Variants in AGO3 observed in about 807,000 individuals in gnomAD.
AGO3 encodes argonaute RISC catalytic component 3, also known as protein argonaute-3.
In AGO3, 16 loss-of-function variants were observed where a neutral mutation model predicts 105.5. The observed-to-expected ratio is 0.15, with a 90% CI of 0.10 to 0.23. The LOEUF (loss-of-function observed/expected upper bound fraction) is 0.23. AGO3 is among the 10% of genes least tolerant of loss of function. The probability of loss-of-function intolerance (pLI) is 1.00; values close to 1 mark genes in which losing one functional copy is unlikely to be tolerated. For synonymous variants in AGO3, 340 were observed against 367.3 expected (o/e 0.93, Z 0.85); for missense variants, 534 against 1,088.0 (o/e 0.49, Z 7.16).
intron 17 of AGO3, among the ~76,000 whole-genome samples, chr1:36,049,445 G>T (rs964925823): frequency 6.6e-6 from 1 of 151,862 alleles, no homozygotes; most frequent in African/African-American, 2.4e-5. Flanking sequence ...TTGAACTCAG[G>T]AGGCAGAGGT....
intron 5 of AGO3, among the ~76,000 whole-genome samples, chr1:35,977,391 ATTT>A (rs35048209): frequency 1.1e-4 from 14 of 128,306 alleles, no homozygotes; most frequent in South Asian, 2.5e-4. Context: ...CGTTATTATG[ATTT>A]TTTTTTTTTT....
At position 36,013,766 on chromosome 1, in the gene AGO3, T is replaced by C; in HGVS notation, c.1272+14T>C. The C allele has an allele frequency of 1.2e-6, 2 of 1,612,398 alleles. No individual in the cohort carries two copies. Among genetic ancestry groups the C allele is most frequent in the Non-Finnish European group, 1.7e-6 (2 of 1,178,788 alleles). ...TATGGAGGACGGGTAAAGTCTCTTG[T>C]TAATGTTTTAATCATACACATATTG... On this transcript the variant is annotated intron_variant, in intron 10 of 18. Transcript: ENST00000373191.
At chr1:36,034,879 T>C (rs1398385819) in intron 13 of AGO3, among the ~76,000 whole-genome samples, 1 of 152,186 alleles carries the variant, frequency 6.6e-6, no homozygotes, top group Non-Finnish European at 1.5e-5. Context: ...AGAAAACACA[T>C]TACTGTTAGA....
At chr1:35,930,908 C>G, upstream of AGO3, 1 of 260,550 alleles carries the variant, frequency 3.8e-6, no homozygotes, top group Non-Finnish European at 7.2e-6. Flanking sequence ...TTGTCTCCGG[C>G]CGGCACGGCC....
intron 5 of AGO3, among the ~76,000 whole-genome samples, chr1:35,987,015 A>C (rs1283698821): frequency 2.1e-5 from 3 of 145,048 alleles, no homozygotes; most frequent in African/African-American, 7.7e-5. Context: ...AAAAGGAAAG[A>C]AAATGTTGGG....
intron 12 of AGO3, among the ~76,000 whole-genome samples, chr1:36,033,533 C>T (rs1641875853): frequency 6.7e-6 from 1 of 150,374 alleles, no homozygotes; most frequent in African/African-American, 2.4e-5. Flanking sequence ...TAGTTCCAGC[C>T]ACTTGGGAGG....
chr1:36,046,363 G>T (rs943951667), intron 17 of AGO3, among the ~76,000 whole-genome samples: 5 of 152,088 alleles, frequency 3.3e-5, no homozygotes, highest in African/African-American at 9.7e-5. Context: ...CGAGCTGCAA[G>T]CACCTGTTAC....
At chr1:36,032,029 CT>C (rs1422305892) in intron 12 of AGO3, among the ~76,000 whole-genome samples, 1 of 152,080 alleles carries the variant, frequency 6.6e-6, no homozygotes, top group Non-Finnish European at 1.5e-5. Flanking sequence ...GTACAAATAT[CT>C]CTTCACAACC....
Position 35,931,400 on chromosome 1 carries a change from C to T in AGO3, c.-27C>T, listed in dbSNP as rs1191422731. ...CCGCCAGTGGCGGGCTCCGTTCTCC[C>T]TCGAAGCACTCCCCCCAGCTCCATG... is the stretch of plus-strand genomic sequence containing the variant. On this transcript the variant is annotated 5_prime_UTR_variant, in exon 1 of 19. Coordinates refer to ENST00000373191, the MANE Select transcript of AGO3 (RefSeq NM_024852.4). 2 of 1,461,416 alleles carry T rather than the reference C, an allele frequency of 1.4e-6. No individual in the cohort carries two copies. The highest frequency in any genetic ancestry group is 1.4e-5 in the South Asian group (1 of 70,882). The allele number at this position is 1,461,416 out of a possible 1,614,324, so 90.5% of individuals were successfully genotyped here.
intron 9 of AGO3, among the ~76,000 whole-genome samples, chr1:36,013,213 A>C (rs1482434608): frequency 6.6e-6 from 1 of 152,122 alleles, no homozygotes; most frequent in East Asian, 1.9e-4. Context: ...TGCTGGAATT[A>C]CAGATGTGAG....
chr1:36,040,000 T>C lies in AGO3; in HGVS notation c.2037+16T>C, dbSNP rs755786474. The stretch of plus-strand genomic sequence containing the variant: ...GTTTAGGCAGGTTGGTTACCTAGAA[T>C]CTCATCAGACTATGGTGAAATCAGA... On this transcript the variant is annotated intron_variant, in intron 15 of 18. Coordinates refer to ENST00000373191, the MANE Select transcript of AGO3 (RefSeq NM_024852.4). 1 of 1,599,206 alleles carries C rather than the reference T, an allele frequency of 6.3e-7. No individual in the cohort carries two copies. Among genetic ancestry groups the C allele is most frequent in the South Asian group, 1.1e-5 (1 of 89,738 alleles).
chr1:35,953,066 TAC>T, intron 2 of AGO3, among the ~76,000 whole-genome samples: 1 of 152,324 alleles, frequency 6.6e-6, no homozygotes, highest in Middle Eastern at 3.4e-3. Flanking sequence ...GTTGGATATA[TAC>T]CTAAGAGTGA....
At position 36,063,013 on chromosome 1, in the gene AGO3, T is replaced by C. The variant is rs1267836278; in HGVS notation, c.*7268T>C. 6.6e-6 allele frequency: 1 copy of C among 152,198 alleles called. No homozygotes were observed. The highest frequency in any genetic ancestry group is 1.5e-5 in the Non-Finnish European group (1 of 68,022). 9.4% of individuals were successfully genotyped at this position (152,198 alleles called of 1,614,324 possible). A position where few individuals can be genotyped will look rare whatever the true frequency, so the allele number is the denominator to read the frequency against. On this transcript the variant is annotated 3_prime_UTR_variant, in exon 19 of 19. Coordinates refer to ENST00000373191, the MANE Select transcript of AGO3 (RefSeq NM_024852.4). ...TATTTTGCTTGTCGGTTTTAAGGTA[T>C]TTTATTTTTATAGATATTTCTAGCT... is the stretch of plus-strand genomic sequence containing the variant.
chr1:36,040,072 T>C, intron 15 of AGO3, 88 bp downstream of exon 15: 1 of 1,387,224 alleles, frequency 7.2e-7, no homozygotes, highest in Non-Finnish European at 9.7e-7. Context: ...AAAAACCTTG[T>C]TAGAGTTCCC....
rs1248146494 is a variant in AGO3, at chr1:36,063,033, C to T, written c.*7288C>T. 1 of 152,022 alleles carries T rather than the reference C, an allele frequency of 6.6e-6. No homozygotes were observed. The highest frequency in any genetic ancestry group is 2.4e-5 in the African/African-American group (1 of 41,374). The allele number at this position is 152,022 out of a possible 1,614,324, so 9.4% of individuals were successfully genotyped here. On this transcript the variant is annotated 3_prime_UTR_variant, in exon 19 of 19. Transcript: ENST00000373191. The stretch of plus-strand genomic sequence containing the variant: ...AGGTATTTTATTTTTATAGATATTT[C>T]TAGCTTTCCTCATTCTTTGTAATAG...
chr1:35,947,250 GT>G (rs1035587952), intron 2 of AGO3, among the ~76,000 whole-genome samples: 105 of 148,358 alleles, frequency 7.1e-4, no homozygotes, highest in East Asian at 7.8e-4. Flanking sequence ...CCTATAGGTG[GT>G]TTTTTTTTTA....
chr1:36,047,737 C>T (rs1014181333), intron 17 of AGO3, among the ~76,000 whole-genome samples: 1 of 151,792 alleles, frequency 6.6e-6, no homozygotes, highest in Non-Finnish European at 1.5e-5. Flanking sequence ...AAAAATTAGC[C>T]AGGCATGGTG....
intron 17 of AGO3, among the ~76,000 whole-genome samples, chr1:36,048,421 G>A (rs1259763253): frequency 6.6e-6 from 1 of 152,032 alleles, no homozygotes. Context: ...TCGACCTATA[G>A]GAAATGTTCG....
Position 36,062,874 on chromosome 1 carries a change from A to C in AGO3, c.*7129A>C, listed in dbSNP as rs1643042287. 1 of 152,218 alleles carries C rather than the reference A, an allele frequency of 6.6e-6. No homozygotes were observed. Among genetic ancestry groups the C allele is most frequent in the Admixed American group, 6.5e-5 (1 of 15,278 alleles). 9.4% of individuals were successfully genotyped at this position (152,218 alleles called of 1,614,324 possible). A position where few individuals can be genotyped will look rare whatever the true frequency, so the allele number is the denominator to read the frequency against. On this transcript the variant is annotated 3_prime_UTR_variant, in exon 19 of 19. Coordinates refer to ENST00000373191, the MANE Select transcript of AGO3 (RefSeq NM_024852.4). ...TGTCTGTTTGCAAATATACATGCACATTAAACTTTTTTGTTTTTATAATGT... is the reference window on the plus strand; with the variant it reads ...TGTCTGTTTGCAAATATACATGCACCTTAAACTTTTTTGTTTTTATAATGT...
Sources: allele counts gnomAD v4.1 joint callset (sites outside exome capture counted in the v4.1 genomes callset), GRCh38; gene constraint gnomAD v4.1.1; transcripts MANE v1.5; gene names NCBI Gene and HGNC (gene_info 2026-07-23, HGNC 2026-07-21).